The following MAF variants were observed in gnomAD, a reference collection of about 807,000 sequenced individuals.
The protein encoded by MAF is MAF bZIP transcription factor.
In MAF, 10 loss-of-function variants were observed where a neutral mutation model predicts 22.0. The ratio of observed to expected loss-of-function variants is 0.45; its 90% confidence interval spans 0.28 to 0.77. The LOEUF (loss-of-function observed/expected upper bound fraction) is 0.77. Ranked by LOEUF, MAF falls within the 30% of genes least tolerant of loss-of-function variation. MAF has a pLI of 0.12. For synonymous variants in MAF, 337 were observed against 255.8 expected (o/e 1.32, Z -3.03); for missense variants, 544 against 548.4 (o/e 0.99, Z 0.08).
downstream of MAF, among the ~76,000 whole-genome samples, chr16:79,584,108 G>A (rs1402097172): frequency 6.6e-6 from 1 of 152,200 alleles, no homozygotes; most frequent in Middle Eastern, 3.4e-3. Flanking sequence ...ATGCTTCTGA[G>A]ACTACATAAA....
At chr16:79,321,317 G>A in the MAF span, among the ~76,000 whole-genome samples, 2 of 152,204 alleles carry the variant, frequency 1.3e-5, no homozygotes, top group Non-Finnish European at 2.9e-5. Flanking sequence ...CACACCTCAA[G>A]GTAGGGGAAC....
Position 79,600,232 on chromosome 16 carries a change from CGGCGGTGGT to C in MAF, c.-339_-331del. The C allele has an allele frequency of 3.7e-6, 1 of 273,170 alleles. No homozygotes were observed. The allele number at this position is 273,170 out of a possible 1,614,324, so 16.9% of individuals were successfully genotyped here. On this transcript the variant is annotated 5_prime_UTR_variant, in exon 1 of 2. Coordinates refer to ENST00000326043, the MANE Select transcript of MAF (RefSeq NM_005360.5). ...GAAGATCCTCCGCGAGCTGCGGTGGCGGCGGTGGTGGCTGCGGCGGCGAAGCTGGAGGAG... is the reference window on the plus strand; with the variant it reads ...GAAGATCCTCCGCGAGCTGCGGTGGCGGCTGCGGCGGCGAAGCTGGAGGAG...
chr16:79,599,969 G>A lies in MAF; in HGVS notation c.-67C>T. ...TGGGCTGCAGGAGAGGGGCCAGCGGGCTGTGCTGGGTGGCCAGCGGGTGAG... is the reference window on the plus strand; with the variant it reads ...TGGGCTGCAGGAGAGGGGCCAGCGGACTGTGCTGGGTGGCCAGCGGGTGAG... On this transcript the variant is annotated 5_prime_UTR_variant, in exon 1 of 2. Coordinates refer to ENST00000326043, the MANE Select transcript of MAF (RefSeq NM_005360.5). 1.3e-6 allele frequency: 2 copies of A among 1,592,528 alleles called. No homozygotes were observed. Among genetic ancestry groups the A allele is most frequent in the South Asian group, 1.1e-5 (1 of 90,792 alleles).
At chr16:79,541,109 T>C in the MAF span, among the ~76,000 whole-genome samples, 1 of 152,064 alleles carries the variant, frequency 6.6e-6, no homozygotes, top group South Asian at 2.1e-4. Context: ...GAGCTGCTGC[T>C]ACTGATATTA....
chr16:79,315,086 A>G, the MAF span, among the ~76,000 whole-genome samples: 1 of 152,178 alleles, frequency 6.6e-6, no homozygotes, highest in African/African-American at 2.4e-5. Context: ...TTCATTTATT[A>G]TTATTCATTA....
At chr16:79,411,298 T>C in the MAF span, among the ~76,000 whole-genome samples, 2 of 152,238 alleles carry the variant, frequency 1.3e-5, no homozygotes, top group African/African-American at 2.4e-5. Flanking sequence ...GGTGAATTAA[T>C]TGGGTTTTCT....
At chr16:79,285,796 C>T in the MAF span, among the ~76,000 whole-genome samples, 3 of 152,152 alleles carry the variant, frequency 2.0e-5, no homozygotes, top group African/African-American at 7.2e-5. Flanking sequence ...CCAACGTGAC[C>T]AGCGCACACT....
chr16:79,221,046 C>T, the MAF span, among the ~76,000 whole-genome samples: 1 of 152,248 alleles, frequency 6.6e-6, no homozygotes, highest in Non-Finnish European at 1.5e-5. Context: ...ACAAGCTAAA[C>T]TTTGGGTCAG....
chr16:79,386,854 A>G, the MAF span, among the ~76,000 whole-genome samples: 1 of 152,266 alleles, frequency 6.6e-6, no homozygotes. Flanking sequence ...TATAAATAAG[A>G]GCCCAATTTG....
the MAF span, among the ~76,000 whole-genome samples, chr16:79,209,542 A>AT: frequency 7.1e-3 from 1,087 of 152,276 alleles, 7 homozygotes; most frequent in African/African-American, 0.025. Flanking sequence ...GAAATGGGTG[A>AT]GCTGGATTCT....
the MAF span, among the ~76,000 whole-genome samples, chr16:79,511,789 C>G: frequency 6.6e-6 from 1 of 152,134 alleles, no homozygotes; most frequent in Non-Finnish European, 1.5e-5. Context: ...ATAAACTTGC[C>G]CAGGGTCACA....
At chr16:79,358,063 A>C in the MAF span, among the ~76,000 whole-genome samples, 1 of 152,240 alleles carries the variant, frequency 6.6e-6, no homozygotes, top group Non-Finnish European at 1.5e-5. Flanking sequence ...AGGGATATGG[A>C]AAGAACTCAA....
chr16:79,222,945 T>G, the MAF span, among the ~76,000 whole-genome samples: 20 of 152,158 alleles, frequency 1.3e-4, no homozygotes, highest in Non-Finnish European at 1.9e-4. Context: ...CCACTGTCAA[T>G]ATTAGACATA....
chr16:79,436,409 C>G, the MAF span, among the ~76,000 whole-genome samples: 19 of 152,206 alleles, frequency 1.2e-4, no homozygotes, highest in Non-Finnish European at 2.6e-4. Context: ...TAAAATAGGT[C>G]ATTTTAAACA....
At chr16:79,229,236 C>A in the MAF span, 1 of 151,720 alleles carries the variant, frequency 6.6e-6, no homozygotes, top group Non-Finnish European at 1.5e-5. Context: ...CATCTCCAGG[C>A]CAGAAAAGCC....
chr16:79,207,708 A>G, the MAF span, among the ~76,000 whole-genome samples: 165 of 152,350 alleles, frequency 1.1e-3, no homozygotes, highest in African/African-American at 3.7e-3. Context: ...ACCTGAAAGC[A>G]AAACACGGTG....
the MAF span, among the ~76,000 whole-genome samples, chr16:79,409,290 C>G: frequency 6.6e-6 from 1 of 152,158 alleles, no homozygotes; most frequent in East Asian, 1.9e-4. Context: ...GCGATCCAAA[C>G]GTTGGCATGG....
the MAF span, among the ~76,000 whole-genome samples, chr16:79,384,523 C>A: frequency 6.6e-6 from 1 of 150,618 alleles, no homozygotes; most frequent in East Asian, 2.0e-4. Context: ...TTTGGGAGGC[C>A]GAGGCAGGTG....
chr16:79,594,652 T>G, intron 1 of MAF, 99 bp from the exon 2 acceptor site: 1 of 1,474,388 alleles, frequency 6.8e-7, no homozygotes, highest in Non-Finnish European at 9.0e-7. Context: ...TTTTTTTTTT[T>G]AAATTTAGAG....
Sources: gnomAD v4.1 joint callset for allele counts (sites outside exome capture counted in the v4.1 genomes callset) on GRCh38, gnomAD v4.1.1 for gene constraint, MANE v1.5 for transcripts, NCBI Gene and HGNC (gene_info 2026-07-23, HGNC 2026-07-21) for gene names.